Variants in PRKG2 observed in about 807,000 individuals in gnomAD.
PRKG2 encodes protein kinase cGMP-dependent 2.
A neutral mutation model predicts 97.2 loss-of-function variants in PRKG2; 33 were observed. The ratio of observed to expected loss-of-function variants is 0.34; its 90% CI spans 0.26 to 0.45. PRKG2 has a LOEUF of 0.45. Among genes scored for constraint, PRKG2 ranks in the 20% least tolerant of loss-of-function variants. The probability of loss-of-function intolerance (pLI) is 1.00; values close to 1 mark genes in which losing one functional copy is unlikely to be tolerated. For synonymous variants in PRKG2, 330 were observed against 321.8 expected (o/e 1.03, Z -0.27); for missense variants, 638 against 900.0 (o/e 0.71, Z 3.73).
intron 11 of PRKG2, 83 bp downstream of exon 11, chr4:81,142,711 T>C: frequency 7.1e-7 from 1 of 1,400,316 alleles, no homozygotes; most frequent in Non-Finnish European, 9.5e-7. Flanking sequence ...ACAATTCATA[T>C]ATTCCTCCAA....
At chr4:81,150,222 A>G (rs1354622439) in intron 8 of PRKG2, among the ~76,000 whole-genome samples, 1 of 152,198 alleles carries the variant, frequency 6.6e-6, no homozygotes, top group Admixed American at 6.6e-5. Flanking sequence ...GGAAAGGCAT[A>G]TGGTATTCCT....
chr4:81,136,915 A>G (rs1231531530), intron 13 of PRKG2, among the ~76,000 whole-genome samples: 1 of 152,176 alleles, frequency 6.6e-6, no homozygotes, highest in African/African-American at 2.4e-5. Flanking sequence ...CCCACCGTGC[A>G]CTATGAAGCC....
At chr4:81,091,120 T>TC (rs1741486920) in intron 18 of PRKG2, among the ~76,000 whole-genome samples, 1 of 152,112 alleles carries the variant, frequency 6.6e-6, no homozygotes, top group African/African-American at 2.4e-5. Flanking sequence ...GATGAAATCT[T>TC]ATAGGGAACA....
chr4:81,205,219 A>C (rs1218336087), intron 1 of PRKG2, among the ~76,000 whole-genome samples, 159 bp from the exon 2 acceptor site: 2 of 150,060 alleles, frequency 1.3e-5, no homozygotes, highest in Non-Finnish European at 3.0e-5. Context: ...AAAAAAAAAA[A>C]GCTATCTATT....
At chr4:81,198,547 C>T (rs1222271216) in intron 2 of PRKG2, among the ~76,000 whole-genome samples, 1 of 152,050 alleles carries the variant, frequency 6.6e-6, no homozygotes, top group Non-Finnish European at 1.5e-5. Flanking sequence ...CCAAGGGAAG[C>T]CACTCACACT....
intron 18 of PRKG2, among the ~76,000 whole-genome samples, chr4:81,090,995 T>C (rs1002829293): frequency 6.6e-6 from 1 of 152,176 alleles, no homozygotes; most frequent in Admixed American, 6.5e-5. Context: ...AAAAATGTAA[T>C]TATAACAGAA....
upstream of PRKG2, among the ~76,000 whole-genome samples, chr4:81,217,338 G>A (rs1754314746): frequency 6.6e-6 from 1 of 152,114 alleles, no homozygotes; most frequent in Non-Finnish European, 1.5e-5. Flanking sequence ...ACCGTTCATT[G>A]AGGTAAAAGC....
intron 12 of PRKG2, among the ~76,000 whole-genome samples, chr4:81,139,786 A>C (rs1747088941): frequency 6.6e-6 from 1 of 151,286 alleles, no homozygotes; most frequent in African/African-American, 2.4e-5. Flanking sequence ...AAAGACAAAA[A>C]AAAAAAAAAA....
chr4:81,102,445 TG>T (rs1346406070), intron 17 of PRKG2, among the ~76,000 whole-genome samples: 2 of 152,184 alleles, frequency 1.3e-5, no homozygotes, highest in Non-Finnish European at 2.9e-5. Flanking sequence ...TTCCTCAATA[TG>T]AATAGTGTGT....
chr4:81,108,110 C>T (rs139545247), intron 15 of PRKG2, among the ~76,000 whole-genome samples: 4,575 of 152,130 alleles, frequency 0.03, 108 homozygotes, highest in Non-Finnish European at 0.048. Flanking sequence ...GAAGCTGAGG[C>T]AGGAGAATCG....
chr4:81,105,791 G>A (rs1477606190), intron 16 of PRKG2, 22 bp downstream of exon 16: 1 of 1,612,794 alleles, frequency 6.2e-7, no homozygotes, highest in African/African-American at 1.3e-5. Flanking sequence ...CAAGACAAGG[G>A]GTTACTGACT....
chr4:81,212,479 G>A (rs916619279), intron 1 of PRKG2, among the ~76,000 whole-genome samples: 5 of 152,168 alleles, frequency 3.3e-5, no homozygotes, highest in African/African-American at 9.7e-5. Flanking sequence ...GAAGAAAGAC[G>A]ATGAGGATTT....
At chr4:81,101,881 G>T (rs1205202519) in intron 17 of PRKG2, among the ~76,000 whole-genome samples, 1 of 152,038 alleles carries the variant, frequency 6.6e-6, no homozygotes, top group Non-Finnish European at 1.5e-5. Flanking sequence ...TTAACTCTAA[G>T]AATATACTGA....
intron 6 of PRKG2, among the ~76,000 whole-genome samples, chr4:81,154,493 C>T (rs1328215138): frequency 7.2e-6 from 1 of 138,690 alleles, no homozygotes; most frequent in Non-Finnish European, 1.5e-5. Flanking sequence ...TGGGAGGCAC[C>T]CCCCAGCAGG....
intron 13 of PRKG2, among the ~76,000 whole-genome samples, chr4:81,136,890 C>T (rs572732003): frequency 6.6e-6 from 1 of 152,176 alleles, no homozygotes; most frequent in Non-Finnish European, 1.5e-5. Flanking sequence ...CTGTCTAGAG[C>T]GTCTCCTCCT....
intron 9 of PRKG2, among the ~76,000 whole-genome samples, chr4:81,145,391 T>A (rs1277518100): frequency 1.3e-5 from 2 of 152,190 alleles, no homozygotes; most frequent in Non-Finnish European, 2.9e-5. Flanking sequence ...ATATTTTAAA[T>A]CAAGAATAAA....
intron 8 of PRKG2, among the ~76,000 whole-genome samples, chr4:81,151,035 T>A (rs1748348939): frequency 6.6e-6 from 1 of 152,118 alleles, no homozygotes; most frequent in African/African-American, 2.4e-5. Context: ...AGACTCAAAT[T>A]TGTCTTCAGG....
chr4:81,182,678 T>C (rs1751516241), intron 2 of PRKG2, among the ~76,000 whole-genome samples: 3 of 152,098 alleles, frequency 2.0e-5, no homozygotes, highest in African/African-American at 7.2e-5. Context: ...AAACCACCAA[T>C]ATCAACAGGT....
chr4:81,166,107 C>T lies in PRKG2; in HGVS notation c.912+1054G>A, dbSNP rs187949227. 3.0e-3 allele frequency among the ~76,000 whole-genome samples: 454 copies of T among 152,250 alleles called. 1 individual carries two copies. Among genetic ancestry groups the T allele is most frequent in the Non-Finnish European group, 5.4e-3 (368 of 68,012 alleles). The stretch of plus-strand genomic sequence containing the variant: ...CATATCTGAACCCCCTGGGGCCACA[C>T]GGCCAGGCACTGTGTCATCATGGTC... On this transcript the variant is annotated intron_variant, in intron 6 of 18. Transcript: ENST00000264399.
Sources: allele counts gnomAD v4.1 joint callset (sites outside exome capture counted in the v4.1 genomes callset), GRCh38; gene constraint gnomAD v4.1.1; transcripts MANE v1.5; gene names NCBI Gene and HGNC (gene_info 2026-07-23, HGNC 2026-07-21).